PTPRD: variants seen among roughly 807,000 people sequenced by gnomAD.
The protein encoded by PTPRD is receptor-type tyrosine-protein phosphatase delta.
In PTPRD, 34 loss-of-function variants were observed where a neutral mutation model predicts 214.5. That is an observed-to-expected ratio of 0.16 (90% confidence interval 0.12 to 0.21). The LOEUF (loss-of-function observed/expected upper bound fraction) is 0.21. PTPRD is among the 10% of genes least tolerant of loss of function. PTPRD has a pLI of 1.00. For synonymous variants in PTPRD, 1,128 were observed against 845.7 expected (o/e 1.33, Z -5.79); for missense variants, 2,545 against 2,398.7 (o/e 1.06, Z -1.27).
At chr9:9,438,596 C>A (rs945416204) in intron 8 of PTPRD, among the ~76,000 whole-genome samples, 8 of 152,130 alleles carry the variant, frequency 5.3e-5, no homozygotes, top group Admixed American at 2.0e-4. Flanking sequence ...AAGCATCTAT[C>A]CCTCTAAGTC....
chr9:8,439,762 A>C (rs1469412967), intron 34 of PTPRD, among the ~76,000 whole-genome samples: 1 of 152,098 alleles, frequency 6.6e-6, no homozygotes, highest in Non-Finnish European at 1.5e-5. Context: ...TATATGATAT[A>C]AACAAATATG....
At chr9:8,771,166 G>C (rs1258432512) in intron 11 of PTPRD, among the ~76,000 whole-genome samples, 2 of 117,088 alleles carry the variant, frequency 1.7e-5, no homozygotes, top group African/African-American at 8.5e-5. Flanking sequence ...GGGCGACAGA[G>C]CAAGATTCCG....
chr9:9,300,575 G>T (rs1329701126), intron 9 of PTPRD, among the ~76,000 whole-genome samples: 1 of 151,714 alleles, frequency 6.6e-6, no homozygotes, highest in Admixed American at 6.6e-5. Flanking sequence ...AGGTAATTAA[G>T]TCATGAAGGT....
At chr9:9,463,802 T>C (rs1407448173) in intron 8 of PTPRD, among the ~76,000 whole-genome samples, 2 of 152,068 alleles carry the variant, frequency 1.3e-5, no homozygotes, top group East Asian at 3.9e-4. Flanking sequence ...AAGTTTACTA[T>C]CCTAAGTCTT....
intron 7 of PTPRD, among the ~76,000 whole-genome samples, chr9:9,606,303 C>G (rs541486490): frequency 6.6e-6 from 1 of 152,162 alleles, no homozygotes; most frequent in Non-Finnish European, 1.5e-5. Flanking sequence ...ACTCTAAAAT[C>G]AAAGCATATT....
chr9:9,708,405 A>T (rs1194369563), intron 7 of PTPRD, among the ~76,000 whole-genome samples: 1 of 152,108 alleles, frequency 6.6e-6, no homozygotes, highest in Non-Finnish European at 1.5e-5. Flanking sequence ...ATTCTTACTA[A>T]AATATATTTA....
intron 5 of PTPRD, among the ~76,000 whole-genome samples, chr9:9,885,583 G>C (rs1196733891): frequency 2.0e-5 from 3 of 151,994 alleles, no homozygotes; most frequent in Non-Finnish European, 2.9e-5. Context: ...GAATTGTCTA[G>C]ATAGACCCAA....
chr9:9,180,143 C>G (rs775514591), intron 10 of PTPRD, among the ~76,000 whole-genome samples: 1 of 151,504 alleles, frequency 6.6e-6, no homozygotes, highest in Non-Finnish European at 1.5e-5. Flanking sequence ...AAGACACATG[C>G]ACACGTATGT....
intron 9 of PTPRD, among the ~76,000 whole-genome samples, chr9:9,364,763 G>A (rs867595264): frequency 4.6e-5 from 7 of 151,530 alleles, no homozygotes; most frequent in South Asian, 2.1e-4. Flanking sequence ...TATTCTTAGT[G>A]AGATATGAAG....
At chr9:9,031,420 GC>G (rs1308068338) in intron 10 of PTPRD, among the ~76,000 whole-genome samples, 1 of 151,994 alleles carries the variant, frequency 6.6e-6, no homozygotes, top group African/African-American at 2.4e-5. Context: ...ATGCGGTATA[GC>G]CTATAGCTCC....
chr9:10,255,434 G>T (rs1268698557), intron 3 of PTPRD, among the ~76,000 whole-genome samples: 1 of 152,026 alleles, frequency 6.6e-6, no homozygotes, highest in Non-Finnish European at 1.5e-5. Flanking sequence ...ACACAGAAAA[G>T]GTACAATATA....
chr9:8,445,915 T>C (rs774792945), intron 34 of PTPRD, among the ~76,000 whole-genome samples: 1 of 152,168 alleles, frequency 6.6e-6, no homozygotes, highest in Non-Finnish European at 1.5e-5. Flanking sequence ...GCCAGCACCA[T>C]CAGTGACTTC....
At chr9:9,056,810 A>G (rs1443576714) in intron 10 of PTPRD, among the ~76,000 whole-genome samples, 4 of 152,194 alleles carry the variant, frequency 2.6e-5, no homozygotes, top group African/African-American at 9.6e-5. Context: ...TATTTATTAA[A>G]TCATATTTAT....
At chr9:8,424,627 T>TA (rs1357758058) in intron 35 of PTPRD, among the ~76,000 whole-genome samples, 2 of 151,068 alleles carry the variant, frequency 1.3e-5, no homozygotes, top group Non-Finnish European at 2.9e-5. Context: ...AGTTTAATAC[T>TA]AAAAAAATGA....
chr9:10,472,255 T>G (rs1286210013), intron 2 of PTPRD, among the ~76,000 whole-genome samples: 1 of 152,130 alleles, frequency 6.6e-6, no homozygotes, highest in Non-Finnish European at 1.5e-5. Context: ...GAACCTCTTT[T>G]TCAAGACTTC....
chr9:9,901,327 G>A (rs760524580), intron 5 of PTPRD, among the ~76,000 whole-genome samples: 1 of 152,098 alleles, frequency 6.6e-6, no homozygotes, highest in Non-Finnish European at 1.5e-5. Context: ...GACCTTCGAT[G>A]TTCAACCTCC....
At chr9:9,283,997 C>A (rs918833820) in intron 9 of PTPRD, among the ~76,000 whole-genome samples, 2 of 151,620 alleles carry the variant, frequency 1.3e-5, no homozygotes, top group Non-Finnish European at 3.0e-5. Flanking sequence ...AACTCAACCA[C>A]GTTATAATCT....
chr9:10,565,335 T>A (rs1017367974), intron 2 of PTPRD, among the ~76,000 whole-genome samples: 1 of 152,160 alleles, frequency 6.6e-6, no homozygotes, highest in African/African-American at 2.4e-5. Context: ...TTCTACTGTA[T>A]AAATATTCCT....
intron 9 of PTPRD, among the ~76,000 whole-genome samples, chr9:9,342,922 C>T (rs1229352082): frequency 2.6e-5 from 4 of 152,156 alleles, no homozygotes; most frequent in African/African-American, 7.2e-5. Flanking sequence ...GTGATGTTCC[C>T]TTCCCTGTTT....
Sources: gnomAD v4.1 joint callset for allele counts (sites outside exome capture counted in the v4.1 genomes callset) on GRCh38, gnomAD v4.1.1 for gene constraint, MANE v1.5 for transcripts, NCBI Gene and HGNC (gene_info 2026-07-23, HGNC 2026-07-21) for gene names.